The following RGS17 variants were observed in gnomAD, a reference collection of about 807,000 sequenced individuals.
The protein encoded by RGS17 is regulator of G-protein signaling 17.
Under a neutral mutation model 25.5 loss-of-function variants are expected in RGS17, and 12 were observed. That is an observed-to-expected ratio of 0.47 (90% CI 0.30 to 0.76). The LOEUF (loss-of-function observed/expected upper bound fraction) is 0.76. Among genes scored for constraint, RGS17 ranks in the 30% least tolerant of loss-of-function variants. The pLI is 0.07. For missense variants in RGS17, 196 were observed against 242.2 expected, an observed-to-expected ratio of 0.81 and a Z score of 1.27; for synonymous variants, 71 against 76.9, an observed-to-expected ratio of 0.92 and a Z score of 0.40.
At chr6:153,127,827 G>GT (rs773238720) in intron 1 of RGS17, among the ~76,000 whole-genome samples, 47 of 152,328 alleles carry the variant, frequency 3.1e-4, no homozygotes, top group Admixed American at 8.5e-4. Context: ...GGTAAACAGT[G>GT]TAAGTGCTGA....
At chr6:153,012,232 C>T (rs528010363) in intron 4 of RGS17, among the ~76,000 whole-genome samples, 14 of 152,236 alleles carry the variant, frequency 9.2e-5, no homozygotes, top group African/African-American at 3.4e-4. Context: ...GTTTTGTATC[C>T]TAACAAGTCC....
chr6:153,099,576 T>G (rs968298309), intron 1 of RGS17, among the ~76,000 whole-genome samples: 3 of 152,196 alleles, frequency 2.0e-5, no homozygotes, highest in Non-Finnish European at 4.4e-5. Context: ...GTTTCTCCCT[T>G]GCTGGAATCT....
chr6:153,092,862 A>G (rs997713147), intron 1 of RGS17, among the ~76,000 whole-genome samples: 1 of 152,142 alleles, frequency 6.6e-6, no homozygotes, highest in African/African-American at 2.4e-5. Flanking sequence ...TATGGTTTCA[A>G]TTTCCCTCTA....
chr6:153,035,544 A>T (rs189976664), intron 2 of RGS17, among the ~76,000 whole-genome samples: 2 of 152,332 alleles, frequency 1.3e-5, no homozygotes, highest in Admixed American at 1.3e-4. Flanking sequence ...TAGGGTTAAT[A>T]CTTAATTTAA....
intron 1 of RGS17, among the ~76,000 whole-genome samples, chr6:153,079,205 G>C (rs1216490531): frequency 1.3e-5 from 2 of 151,992 alleles, no homozygotes; most frequent in Middle Eastern, 3.2e-3. Context: ...AGCCTCCTGA[G>C]TAGCTGGGAC....
chr6:153,050,623 A>C (rs915433165), intron 1 of RGS17, among the ~76,000 whole-genome samples: 8 of 152,234 alleles, frequency 5.3e-5, no homozygotes, highest in African/African-American at 1.9e-4. Context: ...CACTAATGGT[A>C]GGAATATACA....
At chr6:153,014,749 G>T (rs553706096) in intron 4 of RGS17, among the ~76,000 whole-genome samples, 15 of 150,544 alleles carry the variant, frequency 1.0e-4, no homozygotes, top group African/African-American at 3.4e-4. Flanking sequence ...AGTGAGTCTT[G>T]ATCGCGTTGC....
At chr6:153,021,833 C>T (rs1288567029) in intron 4 of RGS17, among the ~76,000 whole-genome samples, 11 of 152,090 alleles carry the variant, frequency 7.2e-5, no homozygotes, top group Admixed American at 7.2e-4. Context: ...TAGTGTATGT[C>T]ATTCTGGAAA....
At chr6:153,056,955 C>T (rs6935593) in intron 1 of RGS17, among the ~76,000 whole-genome samples, 57,823 of 150,396 alleles carry the variant, frequency 0.38, 11,749 homozygotes, top group East Asian at 0.62. Flanking sequence ...ATGAATATGA[C>T]AGATTTCTCT....
At chr6:153,012,039 A>G (rs1209577965) in intron 4 of RGS17, among the ~76,000 whole-genome samples, 2 of 152,172 alleles carry the variant, frequency 1.3e-5, no homozygotes, top group African/African-American at 4.8e-5. Flanking sequence ...TTCATTCAGG[A>G]GTTTTTGACA....
Position 153,054,009 on chromosome 6 carries a change from CGTATATATGTATATAATATAT to C in RGS17, c.-25-9987_-25-9967del, listed in dbSNP as rs1562321442. 4.6e-4 allele frequency among the ~76,000 whole-genome samples: 18 copies of C among 39,240 alleles called. 3 individuals carry two copies. The highest frequency in any genetic ancestry group is 1.7e-3 in the African/African-American group (18 of 10,464). 25.7% of individuals were successfully genotyped at this position (39,240 alleles called of 152,430 possible). Reference sequence around the variant, plus strand: ...TGTATATAATATATATACATATATACGTATATATGTATATAATATATATACATATATATGTATATATGTATA... The same window carrying C: ...TGTATATAATATATATACATATATACATACATATATATGTATATATGTATA... On this transcript the variant is annotated intron_variant, in intron 1 of 4. Coordinates refer to ENST00000206262, the MANE Select transcript of RGS17 (RefSeq NM_012419.5).
In RGS17 at chr6:153,125,110, T is replaced by C. The variant is rs529339366; in HGVS notation, c.-26+6014A>G. Among the ~76,000 whole-genome samples, 80 of 152,280 alleles carry C rather than the reference T, an allele frequency of 5.3e-4. 1 individual carries two copies. Among genetic ancestry groups the C allele is most frequent in the African/African-American group, 1.8e-3 (76 of 41,550 alleles). On this transcript the variant is annotated intron_variant, in intron 1 of 4. Transcript: ENST00000206262. ...TGCTCATTCCATTTATGTCATAATT[T>C]CCCCCAGGTTGTGTCTGTTTTACTG...
chr6:153,018,864 G>C (rs1264830227), intron 4 of RGS17, among the ~76,000 whole-genome samples: 3 of 152,182 alleles, frequency 2.0e-5, no homozygotes, highest in African/African-American at 7.2e-5. Context: ...AGTCAAGTGA[G>C]TTCTGTTTAG....
intron 2 of RGS17, among the ~76,000 whole-genome samples, chr6:153,031,046 G>A (rs1176732011): frequency 6.6e-6 from 1 of 152,184 alleles, no homozygotes; most frequent in Non-Finnish European, 1.5e-5. Flanking sequence ...TCAGAGTGGG[G>A]ATAAAATCAT....
intron 2 of RGS17, among the ~76,000 whole-genome samples, chr6:153,038,161 G>C (rs995503512): frequency 6.6e-6 from 1 of 152,170 alleles, no homozygotes; most frequent in Non-Finnish European, 1.5e-5. Flanking sequence ...TCTGGGGTCA[G>C]CAGACCTCAC....
At chr6:153,093,454 C>T (rs1777161062) in intron 1 of RGS17, among the ~76,000 whole-genome samples, 1 of 152,076 alleles carries the variant, frequency 6.6e-6, no homozygotes, top group South Asian at 2.1e-4. Context: ...TTTCTTTTTT[C>T]CACTAGGAAA....
chr6:153,084,542 G>A (rs1216510446), intron 1 of RGS17, among the ~76,000 whole-genome samples: 1 of 152,146 alleles, frequency 6.6e-6, no homozygotes, highest in Non-Finnish European at 1.5e-5. Flanking sequence ...ATTCTAAAAG[G>A]TTGTGAAAGG....
chr6:153,094,313 A>C (rs1777175901), intron 1 of RGS17, among the ~76,000 whole-genome samples: 1 of 152,088 alleles, frequency 6.6e-6, no homozygotes, highest in South Asian at 2.1e-4. Flanking sequence ...TCCTGGGCTC[A>C]AGCAATCCAC....
At chr6:153,079,790 C>A (rs1776945048) in intron 1 of RGS17, among the ~76,000 whole-genome samples, 1 of 151,750 alleles carries the variant, frequency 6.6e-6, no homozygotes, top group Non-Finnish European at 1.5e-5. Flanking sequence ...CATACAAGGG[C>A]AGTGATGGTC....
Sources: gnomAD v4.1 joint callset for allele counts (sites outside exome capture counted in the v4.1 genomes callset) on GRCh38, gnomAD v4.1.1 for gene constraint, MANE v1.5 for transcripts, NCBI Gene and HGNC (gene_info 2026-07-23, HGNC 2026-07-21) for gene names.